H3C2: variants seen among roughly 807,000 people sequenced by gnomAD.
H3C2 encodes the protein histone H3.1.
In H3C2, 13 loss-of-function variants were observed where a neutral mutation model predicts 8.7. The ratio of observed to expected loss-of-function variants is 1.49; its 90% CI spans 0.97 to 2.37. The LOEUF (loss-of-function observed/expected upper bound fraction) is 2.37, where lower values mean the gene tolerates loss of function less well. H3C2 is among the 30% of genes most tolerant of loss of function. H3C2 has a pLI of 0.00. For synonymous variants in H3C2, 166 were observed against 77.6 expected (o/e 2.14, Z -5.99); for missense variants, 144 against 190.4 (o/e 0.76, Z 1.44).
Position 26,031,598 on chromosome 6 carries a change from G to A in H3C2, c.*52C>T, listed in dbSNP as rs2113677316. 6.4e-7 allele frequency: 1 copy of A among 1,560,112 alleles called. No homozygotes were observed. The highest frequency in any genetic ancestry group is 1.2e-5 in the South Asian group (1 of 86,558). On this transcript the variant is annotated 3_prime_UTR_variant, in exon 1 of 1. Transcript: ENST00000621411. ...CTACTTTCGTTGGAATAAGTGGGTG[G>A]CTCTGAAAAGAGCCTTTGGGTTTTA... is the stretch of plus-strand genomic sequence containing the variant.
Position 26,031,655 on chromosome 6 carries a change from CTCTT to C in H3C2, c.402_405del (p.Ala136LysfsTer?). ...ATGAAAAAGTGACTTTACATTTACG[CTCTT>C]TCTCCGCGAATGCGGCGAGCGAGCT... is the stretch of plus-strand genomic sequence containing the variant. On this transcript the variant is annotated frameshift_variant, in exon 1 of 1. Transcript: ENST00000621411. LOFTEE classifies it high-confidence loss of function. 1 of 1,613,122 alleles carries C rather than the reference CTCTT, an allele frequency of 6.2e-7. No homozygotes were observed.
In H3C2 at chr6:26,031,737, T is replaced by G. The variant is rs766906050; in HGVS notation, c.324A>C (p.Thr108=). 1 of 1,614,250 alleles carries G rather than the reference T, an allele frequency of 6.2e-7. No homozygotes were observed. Among genetic ancestry groups the G allele is most frequent in the South Asian group, 1.1e-5 (1 of 91,090 alleles). ...EAYLVGLFED[T]NLCAIHAKRV... ...GCTTAGCATGGATGGCGCAAAGGTT[T>G]GTGTCCTCAAAGAGCCCTACCAAGT... The change falls in exon 1 of 1, where the codon ACA becomes ACC. Residue 108 remains threonine, a synonymous_variant. Coordinates refer to ENST00000621411, the MANE Select transcript of H3C2 (RefSeq NM_003537.4).
chr6:26,031,621 T>G lies in H3C2; in HGVS notation c.*29A>C, dbSNP rs1233331761. 6.2e-7 allele frequency: 1 copy of G among 1,606,590 alleles called. No individual in the cohort carries two copies. The highest frequency in any genetic ancestry group is 1.7e-5 in the Admixed American group (1 of 57,402). On this transcript the variant is annotated 3_prime_UTR_variant, in exon 1 of 1. Transcript: ENST00000621411. ...TGGCTCTGAAAAGAGCCTTTGGGTT[T>G]TAAGACTGATGAAAAAGTGACTTTA...
rs777289783 is a variant in H3C2, at chr6:26,031,857, G to A, written c.204C>T (p.Phe68=). The A allele has an allele frequency of 8.7e-6, 14 of 1,614,136 alleles. No homozygotes were observed. The highest frequency in any genetic ancestry group is 1.1e-5 in the Non-Finnish European group (13 of 1,180,058). Reference sequence around the variant, plus strand: ...GGGCGATTTCTCGCACCAGGCGCTGGAACGGCAGCTTCCGAATCAGCAACT... The same window carrying A: ...GGGCGATTTCTCGCACCAGGCGCTGAAACGGCAGCTTCCGAATCAGCAACT... ...STELLIRKLP[F]QRLVREIAQD... Residue 68 remains phenylalanine, a synonymous_variant, in exon 1 of 1, where the codon TTC becomes TTT. Transcript: ENST00000621411.
Position 26,031,610 on chromosome 6 carries a change from G to T in H3C2, c.*40C>A. ...GAATAAGTGGGTGGCTCTGAAAAGA[G>T]CCTTTGGGTTTTAAGACTGATGAAA... On this transcript the variant is annotated 3_prime_UTR_variant, in exon 1 of 1. Coordinates refer to ENST00000621411, the MANE Select transcript of H3C2 (RefSeq NM_003537.4). 6.3e-7 allele frequency: 1 copy of T among 1,592,432 alleles called. No individual in the cohort carries two copies. Among genetic ancestry groups the T allele is most frequent in the Non-Finnish European group, 8.5e-7 (1 of 1,169,912 alleles).
chr6:26,031,603 G>C lies in H3C2; in HGVS notation c.*47C>G. 6.3e-7 allele frequency: 1 copy of C among 1,580,120 alleles called. No individual in the cohort carries two copies. The highest frequency in any genetic ancestry group is 8.6e-7 in the Non-Finnish European group (1 of 1,161,586). The stretch of plus-strand genomic sequence containing the variant: ...TTCGTTGGAATAAGTGGGTGGCTCT[G>C]AAAAGAGCCTTTGGGTTTTAAGACT... On this transcript the variant is annotated 3_prime_UTR_variant, in exon 1 of 1. Coordinates refer to ENST00000621411, the MANE Select transcript of H3C2 (RefSeq NM_003537.4).
chr6:26,031,800 G>C lies in H3C2; in HGVS notation c.261C>G (p.Ser87Arg), dbSNP rs145345783. The C allele has an allele frequency of 2.5e-6, 4 of 1,614,250 alleles. No individual in the cohort carries two copies. The highest frequency in any genetic ancestry group is 1.1e-5 in the South Asian group (1 of 91,090). The change falls in exon 1 of 1, where the codon AGC becomes AGG. Residue 87 changes from serine (S) to arginine (R), a missense_variant. Coordinates refer to ENST00000621411, the MANE Select transcript of H3C2 (RefSeq NM_003537.4). ...CCTCCTGCAGCGCCATCACCGCAGA[G>C]CTCTGGAAGCGAAGATCGGTCTTGA... ...QDFKTDLRFQ[S>R]SAVMALQEAC...
rs61741998 is a variant in H3C2, at chr6:26,032,025, G to A, written c.36C>T (p.Thr12=). The A allele has an allele frequency of 4.5e-4, 726 of 1,613,504 alleles. 4 individuals are homozygous for A. The African/African-American group carries it at 7.8e-3, about 17-fold the overall frequency. Residue 12 remains threonine, a synonymous_variant, in exon 1 of 1, where the codon ACC becomes ACT. Coordinates refer to ENST00000621411, the MANE Select transcript of H3C2 (RefSeq NM_003537.4). The part of the protein sequence containing the change: ...ARTKQTARKS[T]GGKAPRKQLA... ...GCTGCTTGCGTGGCGCTTTACCGCC[G>A]GTGGATTTCCGAGCTGTCTGTTTAG...
Position 26,031,608 on chromosome 6 carries a change from G to A in H3C2, c.*42C>T. 1.3e-6 allele frequency: 2 copies of A among 1,587,628 alleles called. No homozygotes were observed. Among genetic ancestry groups the A allele is most frequent in the Non-Finnish European group, 8.6e-7 (1 of 1,167,930 alleles). ...TGGAATAAGTGGGTGGCTCTGAAAAGAGCCTTTGGGTTTTAAGACTGATGA... is the reference window on the plus strand; with the variant it reads ...TGGAATAAGTGGGTGGCTCTGAAAAAAGCCTTTGGGTTTTAAGACTGATGA... On this transcript the variant is annotated 3_prime_UTR_variant, in exon 1 of 1. Coordinates refer to ENST00000621411, the MANE Select transcript of H3C2 (RefSeq NM_003537.4).
At position 26,032,090 on chromosome 6, in the gene H3C2, A is replaced by T; in HGVS notation, c.-30T>A. On this transcript the variant is annotated 5_prime_UTR_variant, in exon 1 of 1. Transcript: ENST00000621411. ...AAACCACAGAAAAGCTTGCCTGCAGAGACGTCTGTGGAGGAAAGGAAAGAG... is the reference window on the plus strand; with the variant it reads ...AAACCACAGAAAAGCTTGCCTGCAGTGACGTCTGTGGAGGAAAGGAAAGAG... The T allele has an allele frequency of 1.9e-6, 3 of 1,588,306 alleles. No individual in the cohort carries two copies. Among genetic ancestry groups the T allele is most frequent in the Non-Finnish European group, 2.6e-6 (3 of 1,172,508 alleles).
chr6:26,031,890 CTT>C lies in H3C2; in HGVS notation c.169_170del (p.Lys57ValfsTer41). On this transcript the variant is annotated frameshift_variant, in exon 1 of 1. Transcript: ENST00000621411. LOFTEE classifies it high-confidence loss of function. ...GCTTCCGAATCAGCAACTCGGTCGA[CTT>C]TTGGTAGCGGCGGATCTCGCGCAGA... is the stretch of plus-strand genomic sequence containing the variant. ...VALREIRRYQ[K>X]STELLIRKLP... 1.2e-6 allele frequency: 2 copies of C among 1,614,272 alleles called. No homozygotes were observed. The highest frequency in any genetic ancestry group is 1.1e-5 in the South Asian group (1 of 91,090).
At position 26,031,625 on chromosome 6, in the gene H3C2, G is replaced by C. The variant is rs777759335; in HGVS notation, c.*25C>G. ...TCTGAAAAGAGCCTTTGGGTTTTAA[G>C]ACTGATGAAAAAGTGACTTTACATT... On this transcript the variant is annotated 3_prime_UTR_variant, in exon 1 of 1. Coordinates refer to ENST00000621411, the MANE Select transcript of H3C2 (RefSeq NM_003537.4). 1 of 1,606,756 alleles carries C rather than the reference G, an allele frequency of 6.2e-7. No individual in the cohort carries two copies. The highest frequency in any genetic ancestry group is 8.5e-7 in the Non-Finnish European group (1 of 1,177,534).
rs761223185 is a variant in H3C2 at position 26,031,818 on chromosome 6, G to T, written c.243C>A (p.Thr81=). 2 of 1,614,220 alleles carry T rather than the reference G, an allele frequency of 1.2e-6. No individual in the cohort carries two copies. The highest frequency in any genetic ancestry group is 1.3e-5 in the African/African-American group (1 of 75,064). Residue 81 remains threonine (T), a synonymous_variant, in exon 1 of 1, where the codon ACC becomes ACA. Transcript: ENST00000621411. ...LVREIAQDFK[T]DLRFQSSAVM... is the part of the protein sequence containing the mutation. ...CCGCAGAGCTCTGGAAGCGAAGATC[G>T]GTCTTGAAGTCTTGGGCGATTTCTC...
In H3C2 at chr6:26,031,830, T is replaced by C. The variant is rs1397319377; in HGVS notation, c.231A>G (p.Gln77=). The C allele has an allele frequency of 2.5e-6, 4 of 1,614,102 alleles. No individual in the cohort carries two copies. In the African/African-American group the frequency reaches 5.3e-5, roughly 22 times the overall value. The part of the protein sequence containing the change: ...PFQRLVREIA[Q]DFKTDLRFQS... ...GGAAGCGAAGATCGGTCTTGAAGTC[T>C]TGGGCGATTTCTCGCACCAGGCGCT... is the stretch of plus-strand genomic sequence containing the variant. Residue 77 remains glutamine (Q), a synonymous_variant, in exon 1 of 1, where the codon CAA becomes CAG. Transcript: ENST00000621411.
chr6:26,031,875 C>G lies in H3C2; in HGVS notation c.186G>C (p.Leu62=), dbSNP rs149213082. 2 of 1,614,252 alleles carry G rather than the reference C, an allele frequency of 1.2e-6. No homozygotes were observed. The highest frequency in any genetic ancestry group is 1.7e-6 in the Non-Finnish European group (2 of 1,180,048). ...IRRYQKSTEL[L]IRKLPFQRLV... Reference sequence around the variant, plus strand: ...GGCGCTGGAACGGCAGCTTCCGAATCAGCAACTCGGTCGACTTTTGGTAGC... The same window carrying G: ...GGCGCTGGAACGGCAGCTTCCGAATGAGCAACTCGGTCGACTTTTGGTAGC... The change falls in exon 1 of 1, where the codon CTG becomes CTC. Residue 62 remains leucine, a synonymous_variant. Transcript: ENST00000621411.
Position 26,031,638 on chromosome 6 carries a change from G to A in H3C2, c.*12C>T, listed in dbSNP as rs1192181649. On this transcript the variant is annotated 3_prime_UTR_variant, in exon 1 of 1. Coordinates refer to ENST00000621411, the MANE Select transcript of H3C2 (RefSeq NM_003537.4). ...TTTGGGTTTTAAGACTGATGAAAAA[G>A]TGACTTTACATTTACGCTCTTTCTC... 1.6e-5 allele frequency: 26 copies of A among 1,609,036 alleles called. No individual in the cohort carries two copies. The highest frequency in any genetic ancestry group is 2.3e-5 in the East Asian group (1 of 43,958).
At position 26,031,622 on chromosome 6, in the gene H3C2, T is replaced by C. The variant is rs1463227313; in HGVS notation, c.*28A>G. 3 of 1,606,526 alleles carry C rather than the reference T, an allele frequency of 1.9e-6. No individual in the cohort carries two copies. The highest frequency in any genetic ancestry group is 1.3e-5 in the African/African-American group (1 of 74,246). ...GGCTCTGAAAAGAGCCTTTGGGTTT[T>C]AAGACTGATGAAAAAGTGACTTTAC... On this transcript the variant is annotated 3_prime_UTR_variant, in exon 1 of 1. Coordinates refer to ENST00000621411, the MANE Select transcript of H3C2 (RefSeq NM_003537.4).
rs1761461522 is a variant in H3C2, at chr6:26,031,804, T to C, written c.257A>G (p.Gln86Arg). ...AQDFKTDLRF[Q>R]SSAVMALQEA... ...CTGCAGCGCCATCACCGCAGAGCTC[T>C]GGAAGCGAAGATCGGTCTTGAAGTC... The change falls in exon 1 of 1, where the codon CAG becomes CGG. Residue 86 changes from glutamine (Q) to arginine (R), a missense_variant. Transcript: ENST00000621411. The C allele has an allele frequency of 6.2e-7, 1 of 1,614,132 alleles. No homozygotes were observed. Among genetic ancestry groups the C allele is most frequent in the Admixed American group, 1.7e-5 (1 of 60,008 alleles).
rs763834926 is a variant in H3C2, at chr6:26,031,752, C to T, written c.309G>A (p.Gly103=). ...LQEACEAYLV[G]LFEDTNLCAI... ...CGCAAAGGTTTGTGTCCTCAAAGAG[C>T]CCTACCAAGTAGGCCTCACAAGCCT... Residue 103 remains glycine (G), a synonymous_variant, in exon 1 of 1, where the codon GGG becomes GGA. Coordinates refer to ENST00000621411, the MANE Select transcript of H3C2 (RefSeq NM_003537.4). The T allele has an allele frequency of 9.9e-6, 16 of 1,614,070 alleles. No individual in the cohort carries two copies. Among genetic ancestry groups the T allele is most frequent in the African/African-American group, 4.0e-5 (3 of 74,936 alleles).
Sources: gnomAD v4.1 joint callset for allele counts on GRCh38, gnomAD v4.1.1 for gene constraint, MANE v1.5 for transcripts, NCBI Gene and HGNC (gene_info 2026-07-23, HGNC 2026-07-21) for gene names.